The following TAC4 variants were observed in gnomAD, a reference collection of about 807,000 sequenced individuals.
TAC4 encodes tachykinin-4.
Under a neutral mutation model 17.7 loss-of-function variants are expected in TAC4, and 17 were observed. The observed-to-expected ratio is 0.96, with a 90% CI of 0.66 to 1.44. The LOEUF (loss-of-function observed/expected upper bound fraction) is 1.44, where lower values mean the gene tolerates loss of function less well. Among genes scored for constraint, TAC4 ranks in the 40% most tolerant of loss-of-function variants. The probability of loss-of-function intolerance (pLI) is 0.00; values close to 1 mark genes in which losing one functional copy is unlikely to be tolerated. For missense variants in TAC4, 118 were observed against 125.6 expected (o/e 0.94, Z 0.29); for synonymous variants, 62 against 52.4 (o/e 1.18, Z -0.79).
At chr17:49,844,258 C>T (rs981717084) in intron 1 of TAC4, 101 bp from the exon 2 acceptor site, 12 of 1,079,186 alleles carry the variant, frequency 1.1e-5, no homozygotes, top group Non-Finnish European at 1.4e-5. Context: ...TGGTGGTCAG[C>T]AGAGACTTGC....
At chr17:49,845,088 G>C (rs1172634675) in intron 1 of TAC4, among the ~76,000 whole-genome samples, 1 of 152,182 alleles carries the variant, frequency 6.6e-6, no homozygotes, top group Non-Finnish European at 1.5e-5. Context: ...TGAACTCACG[G>C]TGGGTCCCCA....
intron 1 of TAC4, among the ~76,000 whole-genome samples, chr17:49,846,396 C>G (rs1391517652): frequency 6.6e-6 from 1 of 152,086 alleles, no homozygotes; most frequent in East Asian, 1.9e-4. Flanking sequence ...CCCGCCTCAG[C>G]CTTTTGAGTA....
chr17:49,843,972 A>G (rs2074516952), intron 2 of TAC4, 92 bp downstream of exon 2: 1 of 1,176,316 alleles, frequency 8.5e-7, no homozygotes, highest in Non-Finnish European at 1.3e-6. Flanking sequence ...ACCTGACCCC[A>G]GTTACTGGGC....
At chr17:49,838,729 C>T (rs2144030206) in intron 4 of TAC4, 56 bp from the exon 5 acceptor site, 2 of 1,589,614 alleles carry the variant, frequency 1.3e-6, no homozygotes, top group East Asian at 2.3e-5. Flanking sequence ...TCTGGCTCCT[C>T]CACCCTTAGA....
At chr17:49,838,730 C>T (rs1237893756) in intron 4 of TAC4, 57 bp from the exon 5 acceptor site, 5 of 1,588,586 alleles carry the variant, frequency 3.1e-6, no homozygotes, top group Non-Finnish European at 4.3e-6. Context: ...CTGGCTCCTC[C>T]ACCCTTAGAA....
rs201896080 is a variant in TAC4, at chr17:49,847,213, C to T, written c.105+700G>A. 4 of 1,290,082 alleles carry T rather than the reference C, an allele frequency of 3.1e-6. No individual in the cohort carries two copies. The African/African-American group carries it at 6.1e-5, about 20-fold the overall frequency. The allele number at this position is 1,290,082 out of a possible 1,614,324, so 79.9% of individuals were successfully genotyped here. A position where few individuals can be genotyped will look rare whatever the true frequency, so the allele number is the denominator to read the frequency against. On this transcript the variant is annotated intron_variant, in intron 1 of 4. Transcript: ENST00000436235. Reference sequence around the variant, plus strand: ...CTTGTCCTGTCTGCCCCCCTGGAAGCCTTCCCTGAGCACTGGCCTCTTATT... The same window carrying T: ...CTTGTCCTGTCTGCCCCCCTGGAAGTCTTCCCTGAGCACTGGCCTCTTATT...
chr17:49,845,159 TC>T (rs968359580), intron 1 of TAC4, among the ~76,000 whole-genome samples: 1 of 152,144 alleles, frequency 6.6e-6, no homozygotes, highest in Non-Finnish European at 1.5e-5. Context: ...CCCAGGCACT[TC>T]CCCCATTGTC....
intron 1 of TAC4, among the ~76,000 whole-genome samples, chr17:49,844,555 C>T (rs773739915): frequency 5.3e-5 from 8 of 151,676 alleles, no homozygotes; most frequent in South Asian, 2.1e-4. Flanking sequence ...GTCAGGAGTT[C>T]GAGACCAGCC....
intron 1 of TAC4, chr17:49,847,408 C>A: frequency 3.4e-6 from 2 of 594,586 alleles, no homozygotes; most frequent in Non-Finnish European, 5.0e-6. Context: ...TTAAGTTGAT[C>A]CCCTTGAAAG....
Position 49,846,833 on chromosome 17 carries a change from G to A in TAC4, c.105+1080C>T, listed in dbSNP as rs1250850797. The A allele has an allele frequency of 4.2e-6, 3 of 721,876 alleles. No homozygotes were observed. In the African/African-American group the frequency reaches 5.6e-5, roughly 14 times the overall value. The allele number at this position is 721,876 out of a possible 1,614,324, so 44.7% of individuals were successfully genotyped here. A position where few individuals can be genotyped will look rare whatever the true frequency, so the allele number is the denominator to read the frequency against. On this transcript the variant is annotated intron_variant, in intron 1 of 4. Coordinates refer to ENST00000436235, the MANE Select transcript of TAC4 (RefSeq NM_001077506.2). ...AGGCCCATCACCCAGCAAGGCTTCT[G>A]TCTCTAGACCAGGTACCCTGATGTT... is the stretch of plus-strand genomic sequence containing the variant.
Position 49,847,670 on chromosome 17 carries a change from T to TAC in TAC4, c.105+241_105+242dup, listed in dbSNP as rs1230844971. ...TACCGTGTGTTAAATAAGTATTTCT[T>TAC]ACACACACACACACACACACAGACA... On this transcript the variant is annotated intron_variant, in intron 1 of 4. Coordinates refer to ENST00000436235, the MANE Select transcript of TAC4 (RefSeq NM_001077506.2). 1,720 of 424,844 alleles carry TAC rather than the reference T, an allele frequency of 4.0e-3. 4 individuals carry two copies. Among genetic ancestry groups the TAC allele is most frequent in the Middle Eastern group, 0.019 (27 of 1,430 alleles). 26.3% of individuals were successfully genotyped at this position (424,844 alleles called of 1,614,324 possible). A position where few individuals can be genotyped will look rare whatever the true frequency, so the allele number is the denominator to read the frequency against.
chr17:49,840,544 C>G (rs918190010), intron 3 of TAC4, among the ~76,000 whole-genome samples: 1 of 152,090 alleles, frequency 6.6e-6, no homozygotes, highest in Non-Finnish European at 1.5e-5. Context: ...CTCTTGTCGC[C>G]CAGCCTGGAA....
chr17:49,838,565 C>T lies in TAC4; in HGVS notation c.*77G>A. The T allele has an allele frequency of 6.3e-7, 1 of 1,585,870 alleles. No individual in the cohort carries two copies. Among genetic ancestry groups the T allele is most frequent in the Non-Finnish European group, 8.7e-7 (1 of 1,155,296 alleles). ...AGGAGACACAGAGAAGAGAGTTGGCCTGCCGGCTTGTCAGCTGTGACATCC... is the reference window on the plus strand; with the variant it reads ...AGGAGACACAGAGAAGAGAGTTGGCTTGCCGGCTTGTCAGCTGTGACATCC... On this transcript the variant is annotated 3_prime_UTR_variant, in exon 5 of 5. Coordinates refer to ENST00000436235, the MANE Select transcript of TAC4 (RefSeq NM_001077506.2).
intron 1 of TAC4, chr17:49,847,584 A>G: frequency 5.6e-6 from 2 of 356,018 alleles, no homozygotes; most frequent in Non-Finnish European, 1.1e-5. Context: ...TACCTTCCCC[A>G]TGAGGTTGAT....
At position 49,839,890 on chromosome 17, in the gene TAC4, C is replaced by T. The variant is rs781047699; in HGVS notation, c.252G>A (p.Thr84=). Reference sequence around the variant, plus strand: ...TTCTCTTGCCCAGGAGGCCCTGGAACGTGTGTTCCAGCTGATATGCTGGTG... The same window carrying T: ...TTCTCTTGCCCAGGAGGCCCTGGAATGTGTGTTCCAGCTGATATGCTGGTG... ...RRKKAYQLEH[T]FQGLLGKRSL... is the part of the protein sequence containing the mutation. Residue 84 remains threonine, a synonymous_variant, in exon 4 of 5, where the codon ACG becomes ACA. Coordinates refer to ENST00000436235, the MANE Select transcript of TAC4 (RefSeq NM_001077506.2). 2.5e-5 allele frequency: 40 copies of T among 1,612,244 alleles called. 1 individual carries two copies. In the Middle Eastern group the frequency reaches 5.0e-4, roughly 20 times the overall value.
chr17:49,844,317 T>C (rs2074521033), intron 1 of TAC4, among the ~76,000 whole-genome samples, 160 bp from the exon 2 acceptor site: 1 of 152,062 alleles, frequency 6.6e-6, no homozygotes, highest in Non-Finnish European at 1.5e-5. Context: ...GTACTGCACA[T>C]CTTTGTAATA....
At chr17:49,841,198 T>G (rs2074495113) in intron 3 of TAC4, among the ~76,000 whole-genome samples, 1 of 151,924 alleles carries the variant, frequency 6.6e-6, no homozygotes, top group South Asian at 2.1e-4. Context: ...TTTGCACTTT[T>G]AAGATCATCT....
In TAC4 at chr17:49,844,070, C is replaced by T; in HGVS notation, c.193G>A (p.Val65Met). The T allele has an allele frequency of 1.2e-6, 2 of 1,613,570 alleles. No individual in the cohort carries two copies. Among genetic ancestry groups the T allele is most frequent in the Non-Finnish European group, 1.7e-6 (2 of 1,179,758 alleles). Residue 65 changes from valine (V) to methionine (M), a missense_variant, in exon 2 of 5, where the codon GTG becomes ATG. Physicochemically the swap from Val to Met is conservative, Grantham distance 21. Coordinates refer to ENST00000436235, the MANE Select transcript of TAC4 (RefSeq NM_001077506.2). ...SQFFGLMGKR[V>M]GGRPLIQPRR... ...CATTGTCATTGTCACTCACCTCCCA[C>T]TCGCTTCCCCATCAGCCCAAAGAAC...
At chr17:49,839,944 G>A in intron 3 of TAC4, 35 bp from the exon 4 acceptor site, 1 of 1,606,570 alleles carries the variant, frequency 6.2e-7, no homozygotes, top group South Asian at 1.1e-5. Context: ...AGAGGAGAGA[G>A]GCAGCAGAGG....
Sources: allele counts gnomAD v4.1 joint callset (sites outside exome capture counted in the v4.1 genomes callset), GRCh38; gene constraint gnomAD v4.1.1; transcripts MANE v1.5; gene names NCBI Gene and HGNC (gene_info 2026-07-23, HGNC 2026-07-21).